The following HACE1 variants were observed in gnomAD, a reference collection of about 807,000 sequenced individuals.
The protein encoded by HACE1 is E3 ubiquitin-protein ligase HACE1.
Under a neutral mutation model 118.4 loss-of-function variants are expected in HACE1, and 73 were observed. That is an observed-to-expected ratio of 0.62 (90% CI 0.51 to 0.75). The LOEUF (loss-of-function observed/expected upper bound fraction) is 0.75, where lower values mean the gene tolerates loss of function less well. HACE1 is among the 30% of genes least tolerant of loss of function. The pLI, the probability that HACE1 is intolerant of heterozygous loss-of-function variation, is 0.00. For missense variants in HACE1, 749 were observed against 1,102.2 expected, an observed-to-expected ratio of 0.68 and a Z score of 4.54; for synonymous variants, 368 against 374.8, an observed-to-expected ratio of 0.98 and a Z score of 0.21.
intron 5 of HACE1, among the ~76,000 whole-genome samples, chr6:104,833,909 C>G (rs1356330652): frequency 6.6e-6 from 1 of 152,116 alleles, no homozygotes; most frequent in South Asian, 2.1e-4. Flanking sequence ...CACTTGAACC[C>G]AGGAGGCGGC....
At chr6:104,758,966 T>C (rs1441625481) in intron 19 of HACE1, among the ~76,000 whole-genome samples, 2 of 151,574 alleles carry the variant, frequency 1.3e-5, no homozygotes, top group Non-Finnish European at 2.9e-5. Flanking sequence ...GGACATTACA[T>C]AATGGTAAAA....
chr6:104,797,674 CTCCTA>C (rs1350199739), intron 7 of HACE1, among the ~76,000 whole-genome samples: 1 of 152,086 alleles, frequency 6.6e-6, no homozygotes, highest in Non-Finnish European at 1.5e-5. Context: ...AGAATGAACT[CTCCTA>C]TCCATATGCC....
At chr6:104,795,901 T>C (rs1292594398) in intron 9 of HACE1, among the ~76,000 whole-genome samples, 1 of 152,086 alleles carries the variant, frequency 6.6e-6, no homozygotes, top group African/African-American at 2.4e-5. Context: ...ATAGTAAATA[T>C]AGATAGAATT....
At chr6:104,751,782 G>T (rs1398999809) in intron 19 of HACE1, among the ~76,000 whole-genome samples, 2 of 151,926 alleles carry the variant, frequency 1.3e-5, no homozygotes, top group Non-Finnish European at 2.9e-5. Context: ...TTAGTTATAA[G>T]TGAAACTTTG....
At chr6:104,763,290 A>G (rs1407792418) in intron 19 of HACE1, among the ~76,000 whole-genome samples, 1 of 152,194 alleles carries the variant, frequency 6.6e-6, no homozygotes, top group Non-Finnish European at 1.5e-5. Context: ...GTAAAAAAAC[A>G]AATCTCATAG....
At chr6:104,792,709 G>A (rs762143711) in intron 10 of HACE1, among the ~76,000 whole-genome samples, 1 of 152,132 alleles carries the variant, frequency 6.6e-6, no homozygotes, top group Non-Finnish European at 1.5e-5. Flanking sequence ...CAGGATGCTG[G>A]CAAACTGAAA....
chr6:104,741,112 C>CA (rs1397758882), intron 22 of HACE1, among the ~76,000 whole-genome samples: 2 of 99,410 alleles, frequency 2.0e-5, no homozygotes, highest in African/African-American at 1.3e-4. Context: ...ATTCAACAAC[C>CA]TTCATGCTAA....
At chr6:104,859,395 G>A (rs895950170) in intron 1 of HACE1, 172 bp downstream of exon 1, 14 of 550,002 alleles carry the variant, frequency 2.5e-5, no homozygotes, top group Non-Finnish European at 3.8e-5. Context: ...GGGTGGGAGC[G>A]TCGGGCCAGG....
intron 6 of HACE1, among the ~76,000 whole-genome samples, chr6:104,828,609 T>C (rs13202542): frequency 0.14 from 21,170 of 151,946 alleles, 1,511 homozygotes; most frequent in Middle Eastern, 0.22. Context: ...CGGATAGAAG[T>C]AGTTTAAAAT....
At position 104,744,220 on chromosome 6, in the gene HACE1, TC is replaced by T; in HGVS notation, c.2452del (p.Glu818LysfsTer3). Reference protein sequence around the residue: ...REDPVIQWFWEVVEDITQEER... With the variant: ...REDPVIQWFWXVVEDITQEER... Reference sequence around the variant, plus strand: ...CTCTTGAGTAATGTCTTCTACAACTTCCCAGAACCACTAACAACAAGAACAA... The same window carrying T: ...CTCTTGAGTAATGTCTTCTACAACTTCCAGAACCACTAACAACAAGAACAA... On this transcript the variant is annotated frameshift_variant, in exon 22 of 24. Coordinates refer to ENST00000262903, the MANE Select transcript of HACE1 (RefSeq NM_020771.4). LOFTEE classifies it high-confidence loss of function. 6.3e-7 allele frequency: 1 copy of T among 1,594,194 alleles called. No homozygotes were observed. The highest frequency in any genetic ancestry group is 8.6e-7 in the Non-Finnish European group (1 of 1,167,838).
intron 19 of HACE1, among the ~76,000 whole-genome samples, chr6:104,751,324 A>G (rs1778021825): frequency 6.6e-6 from 1 of 152,246 alleles, no homozygotes; most frequent in African/African-American, 2.4e-5. Flanking sequence ...TACCATCATC[A>G]AATTCACTTA....
At position 104,762,757 on chromosome 6, in the gene HACE1, G is replaced by A. The variant is rs375739054; in HGVS notation, c.2211+8436C>T. The stretch of plus-strand genomic sequence containing the variant: ...TGTAATCCTAGCACTTTGGGAGGCC[G>A]AGGCAGGCAGATCACGAGGTCAGGA... On this transcript the variant is annotated intron_variant, in intron 19 of 23. Coordinates refer to ENST00000262903, the MANE Select transcript of HACE1 (RefSeq NM_020771.4). Among the ~76,000 whole-genome samples the A allele has an allele frequency of 9.9e-5, 15 of 152,102 alleles. No homozygotes were observed. In the East Asian group the frequency reaches 1.7e-3, roughly 18 times the overall value.
intron 11 of HACE1, 141 bp downstream of exon 11, chr6:104,791,363 G>A: frequency 1.4e-6 from 1 of 727,066 alleles, no homozygotes; most frequent in Non-Finnish European, 2.5e-6. Context: ...AGAGGAGAAA[G>A]GTGTGCCTAA....
At chr6:104,848,414 C>T (rs1775872512) in intron 4 of HACE1, among the ~76,000 whole-genome samples, 1 of 150,554 alleles carries the variant, frequency 6.6e-6, no homozygotes, top group African/African-American at 2.4e-5. Context: ...CGAGACTGTG[C>T]CACTGCACTC....
Position 104,840,532 on chromosome 6 carries a change from A to C in HACE1, c.402+2691T>G, listed in dbSNP as rs559154737. ...TAGAGACAACATTTTAAAATCCATT[A>C]AAATAGCTGAGAGAGGCCCGTCGCG... is the stretch of plus-strand genomic sequence containing the variant. On this transcript the variant is annotated intron_variant, in intron 5 of 23. Transcript: ENST00000262903. Among the ~76,000 whole-genome samples the C allele has an allele frequency of 2.0e-5, 3 of 152,276 alleles. No individual in the cohort carries two copies. In the East Asian group the frequency reaches 5.8e-4, roughly 29 times the overall value.
intron 2 of HACE1, among the ~76,000 whole-genome samples, chr6:104,851,460 GC>G (rs1483832154): frequency 6.6e-6 from 1 of 152,218 alleles, no homozygotes; most frequent in Non-Finnish European, 1.5e-5. Context: ...ATGTTAGCCA[GC>G]TCAGTATCAT....
chr6:104,774,120 C>T lies in HACE1; in HGVS notation c.1865-2046G>A, dbSNP rs1474662773. Reference sequence around the variant, plus strand: ...TTTTTTTTTTTTTGAGACGGAGTCTCGCTCTGTCGCCCAGGCTGGAGTGCA... The same window carrying T: ...TTTTTTTTTTTTTGAGACGGAGTCTTGCTCTGTCGCCCAGGCTGGAGTGCA... On this transcript the variant is annotated intron_variant, in intron 17 of 23. Transcript: ENST00000262903. 2.5e-5 allele frequency among the ~76,000 whole-genome samples: 2 copies of T among 80,878 alleles called. 1 individual carries two copies. The highest frequency in any genetic ancestry group is 1.3e-4 in the African/African-American group (2 of 14,942). 53.1% of individuals were successfully genotyped at this position (80,878 alleles called of 152,430 possible).
intron 11 of HACE1, among the ~76,000 whole-genome samples, chr6:104,790,850 T>C (rs560123501): frequency 5.3e-5 from 8 of 152,278 alleles, no homozygotes; most frequent in African/African-American, 1.7e-4. Context: ...AAAAAAACAT[T>C]AACAAGAGCA....
At chr6:104,786,387 A>G (rs867292819) in intron 11 of HACE1, 9 of 117,766 alleles carry the variant, frequency 7.6e-5, no homozygotes, top group Admixed American at 6.0e-4. Flanking sequence ...AATTCCAAGT[A>G]AAGATTAACA....
Sources: gnomAD v4.1 joint callset for allele counts (sites outside exome capture counted in the v4.1 genomes callset) on GRCh38, gnomAD v4.1.1 for gene constraint, MANE v1.5 for transcripts, NCBI Gene and HGNC (gene_info 2026-07-23, HGNC 2026-07-21) for gene names.